GPR39: variants seen among roughly 807,000 people sequenced by gnomAD.
GPR39 encodes G protein-coupled receptor 39.
GPR39 carries 23 observed loss-of-function variants against 18.4 expected under a neutral mutation model. The observed-to-expected ratio is 1.25, with a 90% CI of 0.90 to 1.77. GPR39 has a LOEUF of 1.77. GPR39 is among the 40% of genes most tolerant of loss of function. The pLI, the probability that GPR39 is intolerant of heterozygous loss-of-function variation, is 0.00. For missense variants in GPR39, 647 were observed against 602.4 expected, an observed-to-expected ratio of 1.07 and a Z score of -0.78; for synonymous variants, 280 against 257.9, an observed-to-expected ratio of 1.09 and a Z score of -0.82.
intron 1 of GPR39, among the ~76,000 whole-genome samples, chr2:132,450,433 C>T (rs763198424): frequency 3.3e-5 from 5 of 152,226 alleles, no homozygotes; most frequent in Admixed American, 6.5e-5. Flanking sequence ...GAGGCCTGTA[C>T]ATTTTTTAAC....
At chr2:132,479,041 C>T (rs1415374237) in intron 1 of GPR39, among the ~76,000 whole-genome samples, 1 of 152,118 alleles carries the variant, frequency 6.6e-6, no homozygotes, top group African/African-American at 2.4e-5. Flanking sequence ...CCCACTTCTC[C>T]CCCTTCCCAG....
chr2:132,527,435 C>T (rs188784018), intron 1 of GPR39, among the ~76,000 whole-genome samples: 31 of 152,214 alleles, frequency 2.0e-4, no homozygotes, highest in East Asian at 1.7e-3. Context: ...GAATGATTTA[C>T]GTTCGTTTGG....
chr2:132,447,544 G>C (rs1680558429), intron 1 of GPR39, among the ~76,000 whole-genome samples: 1 of 152,144 alleles, frequency 6.6e-6, no homozygotes, highest in Non-Finnish European at 1.5e-5. Context: ...TCTCAAATTT[G>C]TATTATAACT....
chr2:132,424,921 A>G (rs2315385), intron 1 of GPR39, among the ~76,000 whole-genome samples: 64,966 of 151,976 alleles, frequency 0.43, 15,849 homozygotes, highest in African/African-American at 0.68. Flanking sequence ...CTCCATGGCC[A>G]GACAGTGACT....
At chr2:132,625,279 G>T (rs1681522213) in intron 1 of GPR39, among the ~76,000 whole-genome samples, 1 of 152,094 alleles carries the variant, frequency 6.6e-6, no homozygotes, top group African/African-American at 2.4e-5. Flanking sequence ...CACTTGGCTG[G>T]CCTCCTTCCT....
intron 1 of GPR39, among the ~76,000 whole-genome samples, chr2:132,429,800 G>A (rs1213926597): frequency 1.5e-4 from 23 of 152,232 alleles, no homozygotes; most frequent in Admixed American, 1.5e-3. Flanking sequence ...ATAACTAATA[G>A]CCTCATTTCT....
intron 1 of GPR39, among the ~76,000 whole-genome samples, chr2:132,533,570 G>A (rs1333929526): frequency 5.3e-5 from 8 of 151,872 alleles, no homozygotes; most frequent in African/African-American, 7.3e-5. Flanking sequence ...AAAGCTGGAG[G>A]CATCCCACTA....
chr2:132,616,714 G>A (rs1026624089), intron 1 of GPR39, among the ~76,000 whole-genome samples: 5 of 152,162 alleles, frequency 3.3e-5, no homozygotes, highest in African/African-American at 9.7e-5. Context: ...GCCAAGACTG[G>A]GCTTGCCTCA....
chr2:132,580,301 C>T (rs1359633928), intron 1 of GPR39, among the ~76,000 whole-genome samples: 1 of 152,180 alleles, frequency 6.6e-6, no homozygotes, highest in Non-Finnish European at 1.5e-5. Context: ...TTGGGATTGG[C>T]TTTATCTCTA....
intron 1 of GPR39, among the ~76,000 whole-genome samples, chr2:132,492,797 T>TATATAC (rs1246492648): frequency 6.6e-5 from 9 of 136,818 alleles, no homozygotes; most frequent in African/African-American, 1.9e-4. Context: ...ATATACCATA[T>TATATAC]ATACCATATA....
At position 132,646,132 on chromosome 2, in the gene GPR39, T is replaced by G; in HGVS notation, c.*526T>G. 6.2e-7 allele frequency: 1 copy of G among 1,610,462 alleles called. No homozygotes were observed. Among genetic ancestry groups the G allele is most frequent in the Non-Finnish European group, 8.5e-7 (1 of 1,178,024 alleles). On this transcript the variant is annotated 3_prime_UTR_variant, in exon 2 of 2. Transcript: ENST00000329321. ...TGAGGGCCGAGGCAGAACTTCCCCT[T>G]TTCTTGGGCCTTGGCCCGTTACAAA...
chr2:132,523,439 C>T (rs1679458364), intron 1 of GPR39, among the ~76,000 whole-genome samples: 1 of 151,936 alleles, frequency 6.6e-6, no homozygotes, highest in Non-Finnish European at 1.5e-5. Context: ...ATTCTATTGC[C>T]CATCATTGAG....
chr2:132,548,801 T>C (rs1179354028), intron 1 of GPR39, among the ~76,000 whole-genome samples: 1 of 152,216 alleles, frequency 6.6e-6, no homozygotes, highest in Non-Finnish European at 1.5e-5. Flanking sequence ...TGCAACTTTT[T>C]GCCATTATTA....
At chr2:132,481,921 C>CT (rs1275857430) in intron 1 of GPR39, among the ~76,000 whole-genome samples, 1 of 152,188 alleles carries the variant, frequency 6.6e-6, no homozygotes, top group East Asian at 1.9e-4. Context: ...AATTCAGAAT[C>CT]TAAGTCAAAG....
intron 1 of GPR39, among the ~76,000 whole-genome samples, chr2:132,594,762 G>T (rs1320540648): frequency 6.6e-6 from 1 of 151,602 alleles, no homozygotes; most frequent in Admixed American, 6.6e-5. Context: ...TCAGTGTCTG[G>T]TTGGGTTTTA....
At chr2:132,456,063 A>G (rs1680722290) in intron 1 of GPR39, among the ~76,000 whole-genome samples, 1 of 152,124 alleles carries the variant, frequency 6.6e-6, no homozygotes, top group African/African-American at 2.4e-5. Flanking sequence ...TGATCTGTCT[A>G]ATATTGACAG....
rs542395411 is a variant in GPR39, at chr2:132,422,040, C to A, written c.856+4142C>A. On this transcript the variant is annotated intron_variant, in intron 1 of 1. Transcript: ENST00000329321. ...TTACAAATATAAGTTATAGTTACAA[C>A]TATATATTAATTCTTATAATGATTA... 3.9e-5 allele frequency among the ~76,000 whole-genome samples: 6 copies of A among 152,206 alleles called. No homozygotes were observed. The South Asian group carries it at 1.0e-3, about 26-fold the overall frequency.
chr2:132,499,964 A>C (rs139111254), intron 1 of GPR39, among the ~76,000 whole-genome samples: 4 of 152,258 alleles, frequency 2.6e-5, no homozygotes, highest in African/African-American at 9.6e-5. Flanking sequence ...CTCATTTACA[A>C]GTTTTAGGAG....
chr2:132,540,721 A>G (rs989147251), intron 1 of GPR39, among the ~76,000 whole-genome samples: 6 of 151,918 alleles, frequency 3.9e-5, no homozygotes, highest in Admixed American at 2.0e-4. Context: ...TATTAAAGGC[A>G]ATCTTGGTGT....
Sources: allele counts gnomAD v4.1 joint callset (sites outside exome capture counted in the v4.1 genomes callset), GRCh38; gene constraint gnomAD v4.1.1; transcripts MANE v1.5; gene names NCBI Gene and HGNC (gene_info 2026-07-23, HGNC 2026-07-21).